The following ABLIM1 variants were observed in gnomAD, a reference collection of about 807,000 sequenced individuals.
The protein encoded by ABLIM1 is actin binding LIM protein 1.
A neutral mutation model predicts 107.0 loss-of-function variants in ABLIM1; 40 were observed. The observed-to-expected ratio is 0.37, with a 90% CI of 0.29 to 0.49. The LOEUF (loss-of-function observed/expected upper bound fraction) is 0.49, where lower values mean the gene tolerates loss of function less well. Among genes scored for constraint, ABLIM1 ranks in the 20% least tolerant of loss-of-function variants. The pLI is 0.97. For missense variants in ABLIM1, 857 were observed against 1,008.5 expected (o/e 0.85, Z 2.04); for synonymous variants, 357 against 357.3 (o/e 1.00, Z 0.01).
chr10:114,663,154 CTCCT>C (rs1311849691), upstream of ABLIM1, among the ~76,000 whole-genome samples: 2 of 152,194 alleles, frequency 1.3e-5, no homozygotes, highest in African/African-American at 4.8e-5. Context: ...ATTCCTCAAC[CTCCT>C]TCCCATTGGA....
intron 1 of ABLIM1, among the ~76,000 whole-genome samples, chr10:114,701,047 C>G (rs2081297952): frequency 6.6e-6 from 1 of 151,980 alleles, no homozygotes; most frequent in Non-Finnish European, 1.5e-5. Context: ...AGACATATAA[C>G]CTGTATTTAG....
At chr10:114,496,845 G>A (rs1372211545) in intron 6 of ABLIM1, among the ~76,000 whole-genome samples, 1 of 152,068 alleles carries the variant, frequency 6.6e-6, no homozygotes, top group African/African-American at 2.4e-5. Context: ...GCAGGCTTGA[G>A]AGGCTCCAGG....
At chr10:114,605,437 G>A (rs1234483299) in intron 1 of ABLIM1, among the ~76,000 whole-genome samples, 5 of 152,088 alleles carry the variant, frequency 3.3e-5, no homozygotes, top group African/African-American at 9.7e-5. Flanking sequence ...AGGCCCAAGC[G>A]GTCCCTACTT....
At chr10:114,672,124 A>G (rs1013128517) in intron 1 of ABLIM1, among the ~76,000 whole-genome samples, 6 of 152,098 alleles carry the variant, frequency 3.9e-5, no homozygotes, top group African/African-American at 1.4e-4. Flanking sequence ...TAATCCTCCC[A>G]TCTTGGCTTC....
In ABLIM1 at chr10:114,554,165, G is replaced by A. The variant is rs79722272; in HGVS notation, c.674-6389C>T. On this transcript the variant is annotated intron_variant, in intron 4 of 22. Coordinates refer to ENST00000533213, the MANE Select transcript of ABLIM1 (RefSeq NM_002313.7). ...TGTTAGCAGAAAGAAGCACAATAAC[G>A]CCAGTTACATAACACCTTGTCCCCT... 1.2e-4 allele frequency among the ~76,000 whole-genome samples: 19 copies of A among 152,196 alleles called. No individual in the cohort carries two copies. The East Asian group carries it at 3.7e-3, about 29-fold the overall frequency.
chr10:114,679,865 A>G (rs2080669325), intron 1 of ABLIM1, among the ~76,000 whole-genome samples: 1 of 152,104 alleles, frequency 6.6e-6, no homozygotes, highest in South Asian at 2.1e-4. Context: ...GCCTTTTAAA[A>G]CTAGGAATAT....
chr10:114,526,826 C>G (rs900972500), intron 6 of ABLIM1: 34 of 985,344 alleles, frequency 3.5e-5, no homozygotes, highest in Middle Eastern at 5.2e-4. Flanking sequence ...AGGCTTCTCT[C>G]CGAAGCTCGG....
intron 1 of ABLIM1, among the ~76,000 whole-genome samples, chr10:114,613,143 C>T (rs1477863920): frequency 6.6e-6 from 1 of 152,166 alleles, no homozygotes; most frequent in African/African-American, 2.4e-5. Context: ...ATGAAAAAAG[C>T]TAATACATGT....
At chr10:114,542,599 A>C (rs994295288) in intron 6 of ABLIM1, among the ~76,000 whole-genome samples, 3 of 150,730 alleles carry the variant, frequency 2.0e-5, no homozygotes. Flanking sequence ...GGAAGGAGGA[A>C]GAAGAAGAAA....
At chr10:114,723,514 G>A (rs1165858181) in intron 1 of ABLIM1, among the ~76,000 whole-genome samples, 7 of 152,216 alleles carry the variant, frequency 4.6e-5, no homozygotes, top group Non-Finnish European at 1.0e-4. Flanking sequence ...TAAAAGGGCT[G>A]AGGGGAAAGG....
chr10:114,636,877 A>G (rs75143857), intron 1 of ABLIM1, among the ~76,000 whole-genome samples: 1 of 152,032 alleles, frequency 6.6e-6, no homozygotes, highest in Non-Finnish European at 1.5e-5. Context: ...TTCCAAAAAT[A>G]CAAAAACTAG....
the ABLIM1 span, among the ~76,000 whole-genome samples, chr10:114,798,566 C>CA: frequency 3.4e-5 from 5 of 146,122 alleles, no homozygotes; most frequent in Admixed American, 2.0e-4. Context: ...ACCCCCCCCC[C>CA]ATGTCTACAA....
intron 2 of ABLIM1, among the ~76,000 whole-genome samples, chr10:114,593,467 G>A (rs1298896123): frequency 6.6e-6 from 1 of 152,144 alleles, no homozygotes; most frequent in African/African-American, 2.4e-5. Context: ...ATCCCTTGGG[G>A]CAACATTAGT....
exon 1 of ABLIM1, chr10:114,684,501 G>A (rs1320660915): frequency 3.5e-5 from 50 of 1,428,574 alleles, no homozygotes; most frequent in Middle Eastern, 5.2e-4. Context: ...GTGTGCCACC[G>A]GTGGGTGTGC....
At chr10:114,706,639 C>A (rs757373333) in intron 1 of ABLIM1, among the ~76,000 whole-genome samples, 2 of 152,166 alleles carry the variant, frequency 1.3e-5, no homozygotes, top group African/African-American at 4.8e-5. Flanking sequence ...TGTAATGAAG[C>A]CTGAGGCTAA....
chr10:114,504,002 T>C (rs1404759872), intron 6 of ABLIM1, among the ~76,000 whole-genome samples: 5 of 152,204 alleles, frequency 3.3e-5, no homozygotes, highest in African/African-American at 7.2e-5. Flanking sequence ...AGGGTTGACA[T>C]TGCAATAGTT....
chr10:114,611,174 C>A (rs1212969410), intron 1 of ABLIM1, among the ~76,000 whole-genome samples: 1 of 151,186 alleles, frequency 6.6e-6, no homozygotes, highest in Admixed American at 6.6e-5. Context: ...AAAATAGATA[C>A]CCTGATACTT....
At chr10:114,609,193 C>T (rs543130563) in intron 1 of ABLIM1, among the ~76,000 whole-genome samples, 1 of 152,160 alleles carries the variant, frequency 6.6e-6, no homozygotes, top group South Asian at 2.1e-4. Flanking sequence ...TCTGACTTTG[C>T]AGACCAAGCA....
At chr10:114,621,321 T>TCAA (rs2077450247) in intron 1 of ABLIM1, among the ~76,000 whole-genome samples, 11 of 152,310 alleles carry the variant, frequency 7.2e-5, no homozygotes, top group African/African-American at 2.2e-4. Flanking sequence ...TGCTAGAAAG[T>TCAA]GAGTGCTTTC....
Sources: allele counts gnomAD v4.1 joint callset (sites outside exome capture counted in the v4.1 genomes callset), GRCh38; gene constraint gnomAD v4.1.1; transcripts MANE v1.5; gene names NCBI Gene and HGNC (gene_info 2026-07-23, HGNC 2026-07-21).